C2orf76: variants seen among roughly 807,000 people sequenced by gnomAD.
C2orf76 encodes the protein UPF0538 protein C2orf76.
Under a neutral mutation model 16.9 loss-of-function variants are expected in C2orf76, and 23 were observed. That is an observed-to-expected ratio of 1.36 (90% CI 0.98 to 1.93). The LOEUF is 1.93. C2orf76 is among the 30% of genes most tolerant of loss of function. The pLI is 0.00. For missense variants in C2orf76, 152 were observed against 152.6 expected, an observed-to-expected ratio of 1.00 and a Z score of 0.02; for synonymous variants, 48 against 52.3, an observed-to-expected ratio of 0.92 and a Z score of 0.35.
chr2:119,361,259 T>G (rs1290993971), intron 1 of C2orf76, among the ~76,000 whole-genome samples: 1 of 152,232 alleles, frequency 6.6e-6, no homozygotes, highest in Non-Finnish European at 1.5e-5. Context: ...AAATATTAAA[T>G]GAAAAATTCC....
At chr2:119,309,639 C>T (rs916158506) in intron 5 of C2orf76, among the ~76,000 whole-genome samples, 4 of 151,922 alleles carry the variant, frequency 2.6e-5, no homozygotes, top group African/African-American at 7.3e-5. Context: ...AAGCTGGTCT[C>T]GAATTCCTGA....
intron 1 of C2orf76, among the ~76,000 whole-genome samples, chr2:119,349,558 A>G (rs1483218340): frequency 6.6e-6 from 1 of 152,182 alleles, no homozygotes; most frequent in East Asian, 1.9e-4. Context: ...CCCTCCAGCT[A>G]CAATGACAGC....
chr2:119,332,236 G>A (rs976352534), intron 2 of C2orf76, among the ~76,000 whole-genome samples: 5 of 151,962 alleles, frequency 3.3e-5, no homozygotes, highest in Admixed American at 2.0e-4. Context: ...ATTATTGGAT[G>A]CTGGATCTAC....
chr2:119,344,344 TA>T (rs1558792698), intron 1 of C2orf76, among the ~76,000 whole-genome samples: 2 of 152,290 alleles, frequency 1.3e-5, no homozygotes, highest in African/African-American at 4.8e-5. Flanking sequence ...CCTAGTTTTT[TA>T]AAAAAGTGAA....
chr2:119,317,813 G>GT lies in C2orf76; in HGVS notation c.185-311dup, dbSNP rs1201495022. On this transcript the variant is annotated intron_variant, in intron 3 of 5. Transcript: ENST00000334816. ...CAAGCAAATCAGATTACTGTACCTT[G>GT]TTTTTTTGGAGTCAATACAGAACAG... Among the ~76,000 whole-genome samples the GT allele has an allele frequency of 4.0e-5, 6 of 151,422 alleles. No individual in the cohort carries two copies. In the South Asian group the frequency reaches 6.3e-4, roughly 16 times the overall value.
intron 2 of C2orf76, among the ~76,000 whole-genome samples, chr2:119,324,491 G>A (rs1377995130): frequency 6.6e-6 from 1 of 152,174 alleles, no homozygotes; most frequent in African/African-American, 2.4e-5. Context: ...ACCATGTCCG[G>A]CCCATAACAA....
intron 5 of C2orf76, among the ~76,000 whole-genome samples, chr2:119,309,212 T>C (rs1473537076): frequency 6.6e-6 from 1 of 152,090 alleles, no homozygotes; most frequent in Non-Finnish European, 1.5e-5. Context: ...GTCTTAACAC[T>C]AGACTCTACT....
intron 1 of C2orf76, among the ~76,000 whole-genome samples, chr2:119,347,183 T>G (rs1680230726): frequency 6.6e-6 from 1 of 152,172 alleles, no homozygotes. Flanking sequence ...CATTCCCAGT[T>G]TATCAGCTAT....
intron 1 of C2orf76, among the ~76,000 whole-genome samples, chr2:119,363,800 G>A (rs1160446059): frequency 2.6e-5 from 4 of 152,176 alleles, no homozygotes; most frequent in African/African-American, 9.7e-5. Flanking sequence ...TCGAGGCAGA[G>A]GGATCACTTG....
intron 4 of C2orf76, 83 bp downstream of exon 4, chr2:119,317,383 T>G: frequency 1.0e-6 from 1 of 965,532 alleles, no homozygotes; most frequent in Non-Finnish European, 1.5e-6. Flanking sequence ...ATTTTAGATG[T>G]ACATGTATTC....
the C2orf76 span, among the ~76,000 whole-genome samples, chr2:119,286,768 T>TAG: frequency 6.6e-6 from 1 of 151,220 alleles, no homozygotes; most frequent in Non-Finnish European, 1.5e-5. Flanking sequence ...GACGGGAGAG[T>TAG]GTCTCTGCGG....
chr2:119,283,205 C>T, the C2orf76 span, among the ~76,000 whole-genome samples: 2 of 152,268 alleles, frequency 1.3e-5, no homozygotes, highest in African/African-American at 4.8e-5. Context: ...AGGTGTAGCT[C>T]GGGGCAGGGG....
intron 1 of C2orf76, among the ~76,000 whole-genome samples, chr2:119,348,951 C>A (rs1368283744): frequency 6.6e-6 from 1 of 152,148 alleles, no homozygotes; most frequent in Non-Finnish European, 1.5e-5. Flanking sequence ...TGCACCACTG[C>A]ACTCCAGCCT....
intron 1 of C2orf76, 102 bp from the exon 2 acceptor site, chr2:119,340,073 C>A (rs1679978491): frequency 2.3e-6 from 3 of 1,286,402 alleles, no homozygotes; most frequent in South Asian, 2.9e-5. Flanking sequence ...CAGCCCCGCT[C>A]TTCCATGCTG....
chr2:119,349,361 C>CA (rs1158139023), intron 1 of C2orf76, among the ~76,000 whole-genome samples: 1 of 152,146 alleles, frequency 6.6e-6, no homozygotes, highest in Non-Finnish European at 1.5e-5. Context: ...ACCAAACTTA[C>CA]AGAGTACTGG....
chr2:119,291,740 GA>G, the C2orf76 span, among the ~76,000 whole-genome samples: 1 of 152,048 alleles, frequency 6.6e-6, no homozygotes, highest in African/African-American at 2.4e-5. Context: ...ACTCATGGGG[GA>G]CAACCTCCTA....
chr2:119,357,340 C>A (rs1680602646), intron 1 of C2orf76, among the ~76,000 whole-genome samples: 1 of 152,050 alleles, frequency 6.6e-6, no homozygotes, highest in East Asian at 1.9e-4. Flanking sequence ...TTTAGCAATA[C>A]ATAAAAATAA....
intron 2 of C2orf76, among the ~76,000 whole-genome samples, chr2:119,334,703 A>AATATAT (rs1553448070): frequency 3.4e-5 from 5 of 146,132 alleles, no homozygotes; most frequent in Non-Finnish European, 7.5e-5. Flanking sequence ...AAAAAAACAA[A>AATATAT]ATATATATAT....
intron 1 of C2orf76, among the ~76,000 whole-genome samples, chr2:119,363,358 A>G (rs1250650882): frequency 6.7e-6 from 1 of 150,248 alleles, no homozygotes; most frequent in African/African-American, 2.5e-5. Flanking sequence ...CGGGAGGCGG[A>G]GCTTGCAGTG....
Sources: gnomAD v4.1 joint callset for allele counts (sites outside exome capture counted in the v4.1 genomes callset) on GRCh38, gnomAD v4.1.1 for gene constraint, MANE v1.5 for transcripts, NCBI Gene and HGNC (gene_info 2026-07-23, HGNC 2026-07-21) for gene names.